Variants in RNPEP observed in about 807,000 individuals in gnomAD.
RNPEP encodes the protein arginyl aminopeptidase.
In RNPEP, 57 loss-of-function variants were observed where a neutral mutation model predicts 70.1. That is an observed-to-expected ratio of 0.81 (90% confidence interval 0.66 to 1.01). RNPEP has a LOEUF of 1.01. Among genes scored for constraint, RNPEP ranks in the 50% least tolerant of loss-of-function variants. The probability of loss-of-function intolerance (pLI) is 0.00; values close to 1 mark genes in which losing one functional copy is unlikely to be tolerated. For missense variants in RNPEP, 787 were observed against 852.4 expected, an observed-to-expected ratio of 0.92 and a Z score of 0.96; for synonymous variants, 335 against 357.4, an observed-to-expected ratio of 0.94 and a Z score of 0.71.
In RNPEP at chr1:201,982,817, G is replaced by A. The variant is rs1682983364; in HGVS notation, c.151G>A (p.Gly51Arg). 1.5e-6 allele frequency: 2 copies of A among 1,333,712 alleles called. No individual in the cohort carries two copies. Among genetic ancestry groups the A allele is most frequent in the East Asian group, 6.2e-5 (2 of 32,168 alleles). 82.6% of individuals were successfully genotyped at this position (1,333,712 alleles called of 1,614,324 possible). The change falls in exon 1 of 11, where the codon GGG (glycine) becomes AGG (arginine). Residue 51 changes from glycine (G) to arginine (R), a missense_variant. Coordinates refer to ENST00000295640, the MANE Select transcript of RNPEP (RefSeq NM_020216.4). ...LDLRAEFGPP[G>R]PGAGSRGLSG... ...CCTGCGGGCTGAGTTCGGGCCTCCAGGGCCCGGCGCAGGGAGCCGGGGGCT... is the reference window on the plus strand; with the variant it reads ...CCTGCGGGCTGAGTTCGGGCCTCCAAGGCCCGGCGCAGGGAGCCGGGGGCT...
rs879104672 is a variant in RNPEP, at chr1:201,996,192, G to A, written c.783G>A (p.Glu261=). 8 of 1,614,102 alleles carry A rather than the reference G, an allele frequency of 5.0e-6. No homozygotes were observed. The Admixed American group carries it at 1.2e-4, about 24-fold the overall frequency. The part of the protein sequence containing the change: ...AEPCLIDAAK[E]EYNGVIEEFL... ...CCTGCCTGATTGATGCTGCCAAGGA[G>A]GAGTACAACGGGGTGATAGAAGAAT... The change falls in exon 4 of 11, where the codon GAG becomes GAA. Residue 261 remains glutamate (E), a synonymous_variant. Coordinates refer to ENST00000295640, the MANE Select transcript of RNPEP (RefSeq NM_020216.4).
At chr1:201,988,872 G>T in intron 1 of RNPEP, 32 bp from the exon 2 acceptor site, 1 of 1,589,264 alleles carries the variant, frequency 6.3e-7, no homozygotes, top group Non-Finnish European at 8.6e-7. Flanking sequence ...TGTGGGAGAT[G>T]TCAGTTCTGA....
chr1:201,999,902 GC>G lies in RNPEP; in HGVS notation c.1092del (p.Ala365LeufsTer33). 1 of 1,612,668 alleles carries G rather than the reference GC, an allele frequency of 6.2e-7. No homozygotes were observed. The highest frequency in any genetic ancestry group is 1.1e-5 in the South Asian group (1 of 90,760). On this transcript the variant is annotated frameshift_variant and splice_region_variant, in exon 6 of 11. Transcript: ENST00000295640. LOFTEE classifies it high-confidence loss of function. ...AQRRISTILF[G>X]AAYTCLEAAT... is the part of the protein sequence containing the mutation. ...AGGCTTACGTTTGATTCTGCACCAGGCGCTGCGTACACCTGCTTGGAGGCTG... is the reference window on the plus strand; with the variant it reads ...AGGCTTACGTTTGATTCTGCACCAGGGCTGCGTACACCTGCTTGGAGGCTG...
At chr1:201,993,029 C>T (rs1683397192) in intron 3 of RNPEP, among the ~76,000 whole-genome samples, 1 of 152,212 alleles carries the variant, frequency 6.6e-6, no homozygotes, top group Non-Finnish European at 1.5e-5. Context: ...CCCATCCCCT[C>T]ATTTAAGCAG....
At position 201,989,017 on chromosome 1, in the gene RNPEP, T is replaced by G; in HGVS notation, c.561T>G (p.Val187=). ...AFFPCFDTPA[V]KYKYSALIEV... is the part of the protein sequence containing the mutation. ...TCCCTTGCTTCGACACGCCTGCTGT[T>G]AAATACAAGTATTCAGCTCTTATTG... The change falls in exon 2 of 11, where the codon GTT becomes GTG. Residue 187 remains valine (V), a synonymous_variant. Transcript: ENST00000295640. 1.2e-6 allele frequency: 2 copies of G among 1,614,182 alleles called. No individual in the cohort carries two copies. Among genetic ancestry groups the G allele is most frequent in the Non-Finnish European group, 1.7e-6 (2 of 1,180,024 alleles).
chr1:202,005,358 TC>T (rs1684013911), intron 10 of RNPEP, among the ~76,000 whole-genome samples, 199 bp from the exon 11 acceptor site: 1 of 152,142 alleles, frequency 6.6e-6, no homozygotes, highest in South Asian at 2.1e-4. Context: ...CGTATTGAGA[TC>T]CATCTCCATG....
intron 10 of RNPEP, among the ~76,000 whole-genome samples, chr1:202,004,883 T>G (rs1378647842): frequency 6.6e-6 from 1 of 152,228 alleles, no homozygotes; most frequent in Non-Finnish European, 1.5e-5. Flanking sequence ...GACTTGGGCA[T>G]GATCGGGACA....
In RNPEP at chr1:201,984,821, C is replaced by CTTTTTTCTTTTTCTTTTTTTTTTTT. The variant is rs1558257963; in HGVS notation, c.447+1714_447+1715insCTTTTTCTTTTTTTTTTTTTTTTTT. On this transcript the variant is annotated intron_variant, in intron 1 of 10. Transcript: ENST00000295640. ...TTACTGCTAACTTTTGTATTTCTTT[C>CTTTTTTCTTTTTCTTTTTTTTTTTT]TTTTTTTTTTTTTTTTTTTTTTTTT... 1.1e-4 allele frequency among the ~76,000 whole-genome samples: 14 copies of CTTTTTTCTTTTTCTTTTTTTTTTTT among 121,998 alleles called. 2 individuals are homozygous for CTTTTTTCTTTTTCTTTTTTTTTTTT. Among genetic ancestry groups the CTTTTTTCTTTTTCTTTTTTTTTTTT allele is most frequent in the East Asian group, 2.4e-4 (1 of 4,200 alleles). 80.0% of individuals were successfully genotyped at this position (121,998 alleles called of 152,430 possible).
chr1:201,992,855 A>G (rs72744861), intron 3 of RNPEP, among the ~76,000 whole-genome samples: 1 of 152,344 alleles, frequency 6.6e-6, no homozygotes, highest in Non-Finnish European at 1.5e-5. Context: ...AGGAAAGTTG[A>G]AATAGACATG....
intron 3 of RNPEP, among the ~76,000 whole-genome samples, chr1:201,990,005 C>T (rs149483339): frequency 0.011 from 1,679 of 152,164 alleles, 35 homozygotes; most frequent in African/African-American, 0.038. Context: ...CCACCACGCT[C>T]GGCTAATTTT....
At chr1:201,992,286 G>T (rs1329776132) in intron 3 of RNPEP, among the ~76,000 whole-genome samples, 1 of 152,010 alleles carries the variant, frequency 6.6e-6, no homozygotes, top group African/African-American at 2.4e-5. Flanking sequence ...TCCCACCTCG[G>T]CCTCCCAAAG....
chr1:201,997,767 T>TTG (rs1481776038), intron 5 of RNPEP, among the ~76,000 whole-genome samples: 2 of 8,704 alleles, frequency 2.3e-4, no homozygotes, highest in Admixed American at 6.7e-3. Context: ...AGGTCATTAG[T>TTG]TTTTTTTTTT....
rs1472817498 is a variant in RNPEP, at chr1:202,004,395, A to G, written c.1693A>G (p.Asn565Asp). Residue 565 changes from asparagine (N) to aspartate (D), a missense_variant, in exon 10 of 11, where the codon AAT (asparagine) becomes GAT (aspartate). Asn to Asp is a conservative substitution (Grantham distance 23). Coordinates refer to ENST00000295640, the MANE Select transcript of RNPEP (RefSeq NM_020216.4). ...KLGDTYPSIS[N>D]ARNAELRLRW... ...TGGAGACACATACCCAAGTATCTCAAATGCCCGGAATGCAGAGCTCCGGCT... is the reference window on the plus strand; with the variant it reads ...TGGAGACACATACCCAAGTATCTCAGATGCCCGGAATGCAGAGCTCCGGCT... The G allele has an allele frequency of 1.9e-6, 3 of 1,614,042 alleles. No homozygotes were observed. The highest frequency in any genetic ancestry group is 1.7e-6 in the Non-Finnish European group (2 of 1,180,040).
Position 202,004,256 on chromosome 1 carries a change from G to T in RNPEP, c.1652-98G>T, listed in dbSNP as rs941901496. 2.3e-6 allele frequency: 3 copies of T among 1,329,586 alleles called. No individual in the cohort carries two copies. The African/African-American group carries it at 4.4e-5, about 19-fold the overall frequency. The allele number at this position is 1,329,586 out of a possible 1,614,324, so 82.4% of individuals were successfully genotyped here. A position where few individuals can be genotyped will look rare whatever the true frequency, so the allele number is the denominator to read the frequency against. The stretch of plus-strand genomic sequence containing the variant: ...TTGGCCAGGCTGGTCTCACATTCCT[G>T]ACCTCAAGTGATCCGCCCACCTCAG... On this transcript the variant is annotated intron_variant, in intron 9 of 10. Transcript: ENST00000295640.
intron 10 of RNPEP, 133 bp from the exon 11 acceptor site, chr1:202,005,425 T>G: frequency 1.0e-6 from 1 of 980,006 alleles, no homozygotes; most frequent in Non-Finnish European, 1.5e-6. Context: ...GAGAAGCTCC[T>G]CATTCCAGCT....
intron 3 of RNPEP, among the ~76,000 whole-genome samples, chr1:201,992,676 C>A (rs1263215226): frequency 6.6e-6 from 1 of 152,122 alleles, no homozygotes; most frequent in Non-Finnish European, 1.5e-5. Flanking sequence ...CTTACCAACA[C>A]CCCAAAGCCC....
intron 3 of RNPEP, among the ~76,000 whole-genome samples, chr1:201,993,574 G>T (rs1683420398): frequency 6.6e-6 from 1 of 150,478 alleles, no homozygotes; most frequent in East Asian, 1.9e-4. Context: ...TCCAGCCTGG[G>T]TGACAAAGTG....
At chr1:202,002,136 C>T (rs1683844637) in intron 8 of RNPEP, among the ~76,000 whole-genome samples, 1 of 151,772 alleles carries the variant, frequency 6.6e-6, no homozygotes, top group Non-Finnish European at 1.5e-5. Context: ...CCCCAGTGGC[C>T]CTCCTTATTT....
intron 1 of RNPEP, chr1:201,983,826 A>T: frequency 4.8e-6 from 5 of 1,049,026 alleles, no homozygotes; most frequent in Non-Finnish European, 4.6e-6. Context: ...TTATGTCTGT[A>T]AGAGTCAGAA....
Sources: gnomAD v4.1 joint callset for allele counts (sites outside exome capture counted in the v4.1 genomes callset) on GRCh38, gnomAD v4.1.1 for gene constraint, MANE v1.5 for transcripts, NCBI Gene and HGNC (gene_info 2026-07-23, HGNC 2026-07-21) for gene names.